Variants in VIT observed in about 807,000 individuals in gnomAD.
VIT encodes the protein vitrin.
Under a neutral mutation model 78.0 loss-of-function variants are expected in VIT, and 99 were observed. The ratio of observed to expected loss-of-function variants is 1.27; its 90% CI spans 1.08 to 1.50. The LOEUF is 1.50. VIT is among the 40% of genes most tolerant of loss of function. VIT has a pLI of 0.00. For missense variants in VIT, 1,126 were observed against 875.3 expected (o/e 1.29, Z -3.61); for synonymous variants, 374 against 334.3 (o/e 1.12, Z -1.29).
intron 11 of VIT, among the ~76,000 whole-genome samples, chr2:36,785,441 A>G (rs893482240): frequency 9.9e-5 from 15 of 152,184 alleles, no homozygotes; most frequent in African/African-American, 2.2e-4. Context: ...GGAATCCACA[A>G]CATGATAAGC....
At chr2:36,699,611 T>G (rs866795382) in intron 1 of VIT, among the ~76,000 whole-genome samples, 1 of 124,214 alleles carries the variant, frequency 8.1e-6, no homozygotes, top group Non-Finnish European at 1.7e-5. Context: ...GATATAGATA[T>G]AGATAGATAT....
intron 12 of VIT, among the ~76,000 whole-genome samples, chr2:36,794,575 T>C (rs1217290386): frequency 6.6e-6 from 1 of 152,194 alleles, no homozygotes; most frequent in African/African-American, 2.4e-5. Flanking sequence ...TAGAGTGAAA[T>C]TTAACAAATA....
chr2:36,797,355 G>A (rs1189129081), intron 12 of VIT, among the ~76,000 whole-genome samples: 1 of 152,218 alleles, frequency 6.6e-6, no homozygotes, highest in Admixed American at 6.5e-5. Context: ...GACCAGGTAG[G>A]AAACTCTGGC....
At chr2:36,776,766 A>G (rs1166062046) in intron 9 of VIT, among the ~76,000 whole-genome samples, 2 of 148,804 alleles carry the variant, frequency 1.3e-5, no homozygotes, top group Non-Finnish European at 3.0e-5. Flanking sequence ...CTGCACTCCA[A>G]CCTAGGTCAC....
intron 9 of VIT, among the ~76,000 whole-genome samples, chr2:36,776,104 T>G (rs1481549613): frequency 6.6e-6 from 1 of 152,242 alleles, no homozygotes; most frequent in Non-Finnish European, 1.5e-5. Context: ...TTACCCTATA[T>G]CGAATAACTT....
At chr2:36,733,076 T>C (rs1368427588) in intron 3 of VIT, among the ~76,000 whole-genome samples, 1 of 152,228 alleles carries the variant, frequency 6.6e-6, no homozygotes. Context: ...TCAGGGAATC[T>C]GGACTTCTTC....
At chr2:36,792,003 A>G (rs1665536291) in intron 12 of VIT, among the ~76,000 whole-genome samples, 1 of 151,912 alleles carries the variant, frequency 6.6e-6, no homozygotes, top group African/African-American at 2.4e-5. Context: ...GCAGAGGTGA[A>G]TTACAGCACC....
intron 1 of VIT, among the ~76,000 whole-genome samples, chr2:36,699,038 T>A (rs575062796): frequency 1.3e-5 from 2 of 151,762 alleles, no homozygotes; most frequent in Non-Finnish European, 2.9e-5. Context: ...ATTTATATAA[T>A]AAAAACTTCA....
chr2:36,748,526 G>A (rs1324169057), intron 4 of VIT, among the ~76,000 whole-genome samples: 3 of 152,186 alleles, frequency 2.0e-5, no homozygotes, highest in Admixed American at 6.5e-5. Context: ...GATCTACTCT[G>A]TTGTTAATGC....
At chr2:36,725,235 C>T (rs955169214) in intron 2 of VIT, among the ~76,000 whole-genome samples, 1 of 152,178 alleles carries the variant, frequency 6.6e-6, no homozygotes, top group African/African-American at 2.4e-5. Flanking sequence ...TCAATGGCCA[C>T]ATCATTGGCA....
chr2:36,809,380 G>T (rs1666985881), intron 15 of VIT, among the ~76,000 whole-genome samples: 1 of 152,124 alleles, frequency 6.6e-6, no homozygotes, highest in Non-Finnish European at 1.5e-5. Context: ...AAATTGTACT[G>T]GTACTTAGAC....
intron 14 of VIT, 48 bp from the exon 15 acceptor site, chr2:36,808,424 G>C (rs752908326): frequency 1.3e-6 from 2 of 1,554,880 alleles, no homozygotes; most frequent in South Asian, 2.5e-5. Context: ...GGTGACACTG[G>C]AGGATTTGAC....
At position 36,787,321 on chromosome 2, in the gene VIT, TGTGCTTAATTTTATGCCAC is replaced by T. The variant is rs758241471; in HGVS notation, c.1058+65_1058+83del. 251 of 1,584,578 alleles carry T rather than the reference TGTGCTTAATTTTATGCCAC, an allele frequency of 1.6e-4. 1 individual carries two copies. Among genetic ancestry groups the T allele is most frequent in the Non-Finnish European group, 2.0e-4 (231 of 1,162,760 alleles). On this transcript the variant is annotated intron_variant, in intron 12 of 15. Coordinates refer to ENST00000379242, the MANE Select transcript of VIT (RefSeq NM_053276.4). ...TGAATCCAGAAAGGAAGTCATGCCA[TGTGCTTAATTTTATGCCAC>T]GTGCTTAATTTTATGCCACAAATAT...
intron 13 of VIT, among the ~76,000 whole-genome samples, chr2:36,802,972 C>T (rs1463436195): frequency 1.3e-5 from 2 of 152,206 alleles, no homozygotes; most frequent in Non-Finnish European, 2.9e-5. Context: ...GGGAGCTGCT[C>T]CTTCTTCCAA....
At chr2:36,698,340 A>G (rs1664799923) in intron 1 of VIT, among the ~76,000 whole-genome samples, 1 of 152,234 alleles carries the variant, frequency 6.6e-6, no homozygotes, top group African/African-American at 2.4e-5. Flanking sequence ...GATCACATGA[A>G]GAATAGTTTC....
Position 36,808,572 on chromosome 2 carries a change from A to T in VIT, c.1490A>T (p.Asp497Val). The change falls in exon 15 of 16, where the codon GAC (aspartate) becomes GTC (valine). Residue 497 changes from aspartate to valine, a missense_variant. Transcript: ENST00000379242. ...QPLVKRVCDTDRLACSKTCLN... is the reference protein window; with the variant it reads ...QPLVKRVCDTVRLACSKTCLN... ...CTGGTGAAGCGGGTCTGCGACACTG[A>T]CCGCCTGGCCTGCAGCAAGACCTGC... 2 of 1,614,070 alleles carry T rather than the reference A, an allele frequency of 1.2e-6. No homozygotes were observed. The highest frequency in any genetic ancestry group is 1.7e-6 in the Non-Finnish European group (2 of 1,180,034).
At chr2:36,740,157 G>A (rs1402852398) in intron 3 of VIT, among the ~76,000 whole-genome samples, 2 of 152,152 alleles carry the variant, frequency 1.3e-5, no homozygotes, top group Non-Finnish European at 2.9e-5. Context: ...AAGGGGGAAG[G>A]GAGATACGAA....
At position 36,743,201 on chromosome 2, in the gene VIT, T is replaced by C. The variant is rs1476642135; in HGVS notation, c.220T>C (p.Tyr74His). 1 of 1,614,092 alleles carries C rather than the reference T, an allele frequency of 6.2e-7. No individual in the cohort carries two copies. The highest frequency in any genetic ancestry group is 8.5e-7 in the Non-Finnish European group (1 of 1,179,966). ...AGCQDPKYHV[Y>H]GTDVYASYSS... ...ATGCCAAGACCCCAAATACCATGTT[T>C]ATGGCACTGACGTGTATGCATCCTA... Residue 74 changes from tyrosine (Y) to histidine (H), a missense_variant, in exon 4 of 16, where the codon TAT (tyrosine) becomes CAT (histidine). Physicochemically the swap from Tyr to His is moderately conservative, Grantham distance 83. Coordinates refer to ENST00000379242, the MANE Select transcript of VIT (RefSeq NM_053276.4).
intron 1 of VIT, among the ~76,000 whole-genome samples, chr2:36,714,453 GT>G (rs10717209): frequency 0.014 from 2,186 of 151,156 alleles, 55 homozygotes; most frequent in African/African-American, 0.05. Flanking sequence ...TTTATCTCTT[GT>G]TTTTTTTTAA....
Sources: allele counts gnomAD v4.1 joint callset (sites outside exome capture counted in the v4.1 genomes callset), GRCh38; gene constraint gnomAD v4.1.1; transcripts MANE v1.5; gene names NCBI Gene and HGNC (gene_info 2026-07-23, HGNC 2026-07-21).